Variants in SLC25A42 observed in about 807,000 individuals in gnomAD.
The protein encoded by SLC25A42 is mitochondrial coenzyme A transporter SLC25A42.
A neutral mutation model predicts 34.7 loss-of-function variants in SLC25A42; 19 were observed. The ratio of observed to expected loss-of-function variants is 0.55; its 90% CI spans 0.38 to 0.80. SLC25A42 has a LOEUF of 0.80. Ranked by LOEUF, SLC25A42 falls within the 30% of genes least tolerant of loss-of-function variation. The pLI is 0.00. For missense variants in SLC25A42, 364 were observed against 441.3 expected, an observed-to-expected ratio of 0.82 and a Z score of 1.57; for synonymous variants, 205 against 191.2, an observed-to-expected ratio of 1.07 and a Z score of -0.59.
At chr19:19,095,575 T>A (rs969880046) in intron 1 of SLC25A42, among the ~76,000 whole-genome samples, 2 of 152,176 alleles carry the variant, frequency 1.3e-5, no homozygotes, top group Admixed American at 1.3e-4. Flanking sequence ...ATCGTGCCAC[T>A]GCACTCCAGC....
At chr19:19,108,217 G>A (rs764166238) in intron 7 of SLC25A42, among the ~76,000 whole-genome samples, 172 bp downstream of exon 7, 4 of 152,158 alleles carry the variant, frequency 2.6e-5, no homozygotes, top group Non-Finnish European at 5.9e-5. Flanking sequence ...GTGTGCAGCC[G>A]CCACTGAGGA....
At chr19:19,102,555 C>T (rs2059803525) in intron 3 of SLC25A42, among the ~76,000 whole-genome samples, 1 of 151,866 alleles carries the variant, frequency 6.6e-6, no homozygotes. Flanking sequence ...AGCAGCCTAG[C>T]CAACATGGTG....
At position 19,111,024 on chromosome 19, in the gene SLC25A42, T is replaced by C. The variant is rs1352175814; in HGVS notation, c.*148T>C. 2.3e-6 allele frequency: 2 copies of C among 878,428 alleles called. No homozygotes were observed. The highest frequency in any genetic ancestry group is 7.2e-4 in the Middle Eastern group (2 of 2,794). 54.4% of individuals were successfully genotyped at this position (878,428 alleles called of 1,614,324 possible). ...GCAGGTGGGCCTGAGGGGCCTGGGC[T>C]CAGAGTCCACGTCCAAACGCAAAGC... On this transcript the variant is annotated 3_prime_UTR_variant, in exon 8 of 8. Transcript: ENST00000318596.
At chr19:19,104,313 C>T (rs1599688407) in intron 3 of SLC25A42, among the ~76,000 whole-genome samples, 1 of 152,226 alleles carries the variant, frequency 6.6e-6, no homozygotes, top group Non-Finnish European at 1.5e-5. Context: ...ATGCATGTTG[C>T]ACACACAAGT....
intron 1 of SLC25A42, among the ~76,000 whole-genome samples, chr19:19,068,402 C>T (rs1286966581): frequency 6.8e-6 from 1 of 147,512 alleles, no homozygotes; most frequent in Non-Finnish European, 1.5e-5. Flanking sequence ...CATGGTGGCT[C>T]ACGCCTTTCA....
intron 1 of SLC25A42, among the ~76,000 whole-genome samples, chr19:19,072,172 T>C (rs1312644013): frequency 6.6e-6 from 1 of 152,118 alleles, no homozygotes; most frequent in African/African-American, 2.4e-5. Context: ...ATTTCAATCA[T>C]GGATCATGGG....
chr19:19,101,961 G>A (rs1181364789), intron 3 of SLC25A42, 75 bp downstream of exon 3: 12 of 888,686 alleles, frequency 1.4e-5, no homozygotes, highest in East Asian at 8.3e-5. Context: ...CCCAAACCAC[G>A]CTTCAAATTG....
At chr19:19,095,621 A>C (rs1254689357) in intron 1 of SLC25A42, among the ~76,000 whole-genome samples, 1 of 152,184 alleles carries the variant, frequency 6.6e-6, no homozygotes, top group Admixed American at 6.5e-5. Context: ...TCAAAAAAAT[A>C]AATAAATAAA....
chr19:19,095,924 C>T, intron 1 of SLC25A42, 167 bp from the exon 2 acceptor site: 1 of 679,392 alleles, frequency 1.5e-6, no homozygotes, highest in Non-Finnish European at 2.7e-6. Context: ...ACAAGAAAGG[C>T]TTTTGTAAAT....
At chr19:19,068,470 C>T (rs1355359505) in intron 1 of SLC25A42, among the ~76,000 whole-genome samples, 5 of 152,030 alleles carry the variant, frequency 3.3e-5, no homozygotes, top group African/African-American at 1.2e-4. Flanking sequence ...AGTTCAAGAC[C>T]AGCCTAGCCA....
chr19:19,077,145 C>G (rs184268061), intron 1 of SLC25A42, among the ~76,000 whole-genome samples: 4 of 152,314 alleles, frequency 2.6e-5, no homozygotes, highest in Non-Finnish European at 5.9e-5. Context: ...CATAGTGCCA[C>G]TGCACTGCAG....
intron 1 of SLC25A42, among the ~76,000 whole-genome samples, chr19:19,071,695 A>G (rs892275957): frequency 2.1e-4 from 32 of 152,096 alleles, no homozygotes; most frequent in African/African-American, 7.0e-4. Context: ...GGTGAAACCT[A>G]TCTCTGCTAA....
chr19:19,064,494 C>T (rs1011948681), intron 1 of SLC25A42, among the ~76,000 whole-genome samples: 1 of 142,434 alleles, frequency 7.0e-6, no homozygotes, highest in Non-Finnish European at 1.5e-5. Flanking sequence ...TGAGTCTGTC[C>T]TTGTCGATGA....
At chr19:19,084,265 G>C (rs1421017922) in intron 1 of SLC25A42, among the ~76,000 whole-genome samples, 1 of 152,172 alleles carries the variant, frequency 6.6e-6, no homozygotes, top group African/African-American at 2.4e-5. Flanking sequence ...CTCTACATCT[G>C]CATAGTCAGG....
At chr19:19,100,896 G>A (rs1416134107) in intron 2 of SLC25A42, among the ~76,000 whole-genome samples, 1 of 152,172 alleles carries the variant, frequency 6.6e-6, no homozygotes, top group Non-Finnish European at 1.5e-5. Context: ...AGCATTGCAG[G>A]CTGAGGCAGA....
chr19:19,069,446 C>T (rs1373886949), intron 1 of SLC25A42, among the ~76,000 whole-genome samples: 2 of 152,190 alleles, frequency 1.3e-5, no homozygotes, highest in Admixed American at 6.5e-5. Flanking sequence ...CTTCAGACAA[C>T]AGAAATGTAT....
rs375501985 is a variant in SLC25A42 at position 19,084,990 on chromosome 19, T to A, written c.-34-11101T>A. Among the ~76,000 whole-genome samples the A allele has an allele frequency of 2.4e-4, 36 of 151,630 alleles. No individual in the cohort carries two copies. The East Asian group carries it at 6.4e-3, about 27-fold the overall frequency. ...CTCTAGAGTGCTTGATGAAATGATG[T>A]TGAGACTCACCTCAGTGGCTGTGGG... On this transcript the variant is annotated intron_variant, in intron 1 of 7. Coordinates refer to ENST00000318596, the MANE Select transcript of SLC25A42 (RefSeq NM_178526.5).
Position 19,091,225 on chromosome 19 carries a change from C to G in SLC25A42, c.-34-4866C>G, listed in dbSNP as rs766631991. ...TAATCCCAGCACTTTAGGAGGCCAACGAGGGCAGATCACCTGAGGTAAGGA... is the reference window on the plus strand; with the variant it reads ...TAATCCCAGCACTTTAGGAGGCCAAGGAGGGCAGATCACCTGAGGTAAGGA... On this transcript the variant is annotated intron_variant, in intron 1 of 7. Transcript: ENST00000318596. 2.0e-5 allele frequency among the ~76,000 whole-genome samples: 3 copies of G among 151,880 alleles called. No homozygotes were observed. The East Asian group carries it at 5.9e-4, about 30-fold the overall frequency.
intron 3 of SLC25A42, among the ~76,000 whole-genome samples, chr19:19,102,169 C>T (rs556098033): frequency 1.3e-5 from 2 of 151,956 alleles, no homozygotes; most frequent in East Asian, 2.0e-4. Flanking sequence ...CCACCATGCC[C>T]GGCCAATTTT....
Sources: gnomAD v4.1 joint callset for allele counts (sites outside exome capture counted in the v4.1 genomes callset) on GRCh38, gnomAD v4.1.1 for gene constraint, MANE v1.5 for transcripts, NCBI Gene and HGNC (gene_info 2026-07-23, HGNC 2026-07-21) for gene names.